GPR89B: variants seen among roughly 807,000 people sequenced by gnomAD.
GPR89B encodes G protein-coupled receptor 89B.
In GPR89B, 25 loss-of-function variants were observed where a neutral mutation model predicts 52.4. That is an observed-to-expected ratio of 0.48 (90% confidence interval 0.35 to 0.67). GPR89B has a LOEUF of 0.67. Among genes scored for constraint, GPR89B ranks in the 30% least tolerant of loss-of-function variants. The pLI, the probability that GPR89B is intolerant of heterozygous loss-of-function variation, is 0.01. For synonymous variants in GPR89B, 52 were observed against 151.2 expected (o/e 0.34, Z 4.81); for missense variants, 146 against 450.2 (o/e 0.32, Z 6.11).
the GPR89B span, among the ~76,000 whole-genome samples, chr1:148,015,623 TTTTGTTTGTTTGTTTG>T: frequency 2.1e-5 from 3 of 142,462 alleles, no homozygotes; most frequent in Non-Finnish European, 3.1e-5. Flanking sequence ...CTTCTCTCTA[TTTTGTTTGTTTGTTTG>T]TTTGTTTGTT....
the GPR89B span, among the ~76,000 whole-genome samples, chr1:148,007,114 C>T: frequency 2.4e-5 from 3 of 122,958 alleles, no homozygotes; most frequent in Admixed American, 8.9e-5. Context: ...CTTGCTTTAT[C>T]GCCCAGCCTG....
chr1:147,935,258 C>G (rs587597634), intron 1 of GPR89B, among the ~76,000 whole-genome samples: 1 of 151,974 alleles, frequency 6.6e-6, no homozygotes, highest in Admixed American at 6.6e-5. Flanking sequence ...GAATATGGAT[C>G]TAAAGAACCA....
intron 10 of GPR89B, among the ~76,000 whole-genome samples, chr1:147,973,251 G>T (rs1404396213): frequency 6.6e-6 from 1 of 151,820 alleles, no homozygotes; most frequent in Non-Finnish European, 1.5e-5. Context: ...CTTCCACAAT[G>T]ATTGAGTTAA....
At chr1:147,947,985 A>G (rs1438868793) in intron 5 of GPR89B, among the ~76,000 whole-genome samples, 4 of 152,254 alleles carry the variant, frequency 2.6e-5, no homozygotes, top group Admixed American at 6.5e-5. Context: ...AGCACTGGAA[A>G]TAAACCACAA....
At chr1:147,948,756 ATTTTT>A (rs199854363) in intron 5 of GPR89B, among the ~76,000 whole-genome samples, 41 of 138,314 alleles carry the variant, frequency 3.0e-4, no homozygotes, top group African/African-American at 8.5e-4. Context: ...AGATAAAATA[ATTTTT>A]TTTTTTTTTT....
chr1:147,947,831 A>T (rs1299847049), intron 5 of GPR89B, among the ~76,000 whole-genome samples: 2 of 151,438 alleles, frequency 1.3e-5, no homozygotes, highest in East Asian at 3.9e-4. Context: ...GAAAACAAAG[A>T]TCAATAAGAA....
At chr1:147,975,179 T>C (rs1657748393) in intron 10 of GPR89B, among the ~76,000 whole-genome samples, 1 of 132,906 alleles carries the variant, frequency 7.5e-6, no homozygotes, top group Non-Finnish European at 1.6e-5. Context: ...CAGAATGAGC[T>C]GGCCTCATAA....
At chr1:147,977,860 G>C (rs1250562506) in intron 10 of GPR89B, among the ~76,000 whole-genome samples, 2 of 150,468 alleles carry the variant, frequency 1.3e-5, no homozygotes, top group Non-Finnish European at 2.9e-5. Context: ...CTTTTTAAAC[G>C]GGTTATTCTG....
intron 1 of GPR89B, among the ~76,000 whole-genome samples, chr1:147,931,823 G>C (rs587694608): frequency 6.6e-6 from 1 of 151,636 alleles, no homozygotes; most frequent in African/African-American, 2.4e-5. Context: ...ACTTAGAAGT[G>C]AGAACATGTG....
rs1409634730 is a variant in GPR89B at position 147,986,205 on chromosome 1, A to G, written c.916A>G (p.Ile306Val). 208 of 1,611,208 alleles carry G rather than the reference A, an allele frequency of 1.3e-4. No homozygotes were observed. Among genetic ancestry groups the G allele is most frequent in the Non-Finnish European group, 1.7e-4 (199 of 1,179,474 alleles). ...AAAATCTGCATCTTTGCAGGCTACCATCAATATTGTTTTTGATCGAGTTGG... is the reference window on the plus strand; with the variant it reads ...AAAATCTGCATCTTTGCAGGCTACCGTCAATATTGTTTTTGATCGAGTTGG... ...YCVWKIFMAT[I>V]NIVFDRVGKT... is the part of the protein sequence containing the mutation. The change falls in exon 11 of 14, where the codon ATC becomes GTC. Residue 306 changes from isoleucine (I) to valine (V), a missense_variant. Physicochemically the swap from Ile to Val is conservative, Grantham distance 29. Transcript: ENST00000314163.
chr1:148,000,611 A>AT, the GPR89B span, among the ~76,000 whole-genome samples: 2 of 149,448 alleles, frequency 1.3e-5, no homozygotes, highest in Admixed American at 1.3e-4. Context: ...CACCCATCAT[A>AT]TTCCCCCCTC....
Position 147,968,958 on chromosome 1 carries a change from A to T in GPR89B, c.811A>T (p.Thr271Ser), listed in dbSNP as rs1385850178. 6.2e-7 allele frequency: 1 copy of T among 1,603,976 alleles called. No individual in the cohort carries two copies. The highest frequency in any genetic ancestry group is 1.4e-5 in the African/African-American group (1 of 73,456). Residue 271 changes from threonine to serine, a missense_variant, in exon 9 of 14, where the codon ACC (threonine) becomes TCC (serine). Thr to Ser is a moderately conservative substitution (Grantham distance 58, BLOSUM62 1). Transcript: ENST00000314163. ...LFLETADLYA[T>S]KERIEYSKTF... Reference sequence around the variant, plus strand: ...TCTGGAAACAGCTGATCTATATGCTACCAAGGTACAGAGCAAGGAAACTGA... The same window carrying T: ...TCTGGAAACAGCTGATCTATATGCTTCCAAGGTACAGAGCAAGGAAACTGA...
At position 147,928,512 on chromosome 1, in the gene GPR89B, G is replaced by A; in HGVS notation, c.-25G>A. The A allele has an allele frequency of 6.2e-7, 1 of 1,613,840 alleles. No homozygotes were observed. The highest frequency in any genetic ancestry group is 8.5e-7 in the Non-Finnish European group (1 of 1,179,750). On this transcript the variant is annotated 5_prime_UTR_variant, in exon 1 of 14. Coordinates refer to ENST00000314163, the MANE Select transcript of GPR89B (RefSeq NM_016334.5). ...TGGCCTCCGGGAGTGGGAAGTGGAG[G>A]CAGGAGCCTTCCTTACACTTCGCCA...
chr1:147,949,442 ACCCCCC>A (rs1655331178), intron 5 of GPR89B, among the ~76,000 whole-genome samples: 1 of 402 alleles, frequency 2.5e-3, no homozygotes, highest in Non-Finnish European at 5.1e-3. Flanking sequence ...TGGGGGGCTG[ACCCCCC>A]TGACCCCCCA....
intron 7 of GPR89B, among the ~76,000 whole-genome samples, chr1:147,964,217 T>A (rs1311691559): frequency 6.6e-6 from 1 of 151,368 alleles, no homozygotes; most frequent in Non-Finnish European, 1.5e-5. Context: ...AACTACATTA[T>A]GAATCTACAA....
chr1:147,970,439 G>A (rs1657332464), intron 10 of GPR89B, among the ~76,000 whole-genome samples: 1 of 151,726 alleles, frequency 6.6e-6, no homozygotes, highest in Non-Finnish European at 1.5e-5. Context: ...GGACGTTGCA[G>A]TGAGCTAAGA....
the GPR89B span, among the ~76,000 whole-genome samples, chr1:148,002,651 C>T: frequency 2.6e-5 from 4 of 152,222 alleles, no homozygotes; most frequent in East Asian, 7.7e-4. Context: ...TGTTCTTCTC[C>T]CTTATACTGC....
chr1:147,954,409 T>C lies in GPR89B; in HGVS notation c.617+7T>C, dbSNP rs1655948362. The C allele has an allele frequency of 3.4e-6, 1 of 291,494 alleles. No homozygotes were observed. The highest frequency in any genetic ancestry group is 2.4e-5 in the African/African-American group (1 of 41,234). 18.1% of individuals were successfully genotyped at this position (291,494 alleles called of 1,614,324 possible). ...TCATAAGCAAAAAGAAAAGGTAAGATATCAACACTGTAATACATTTGGACT... is the reference window on the plus strand; with the variant it reads ...TCATAAGCAAAAAGAAAAGGTAAGACATCAACACTGTAATACATTTGGACT... On this transcript the variant is annotated splice_region_variant and intron_variant, in intron 7 of 13. Transcript: ENST00000314163.
Position 147,962,533 on chromosome 1 carries a change from A to G in GPR89B, c.618-4021A>G, listed in dbSNP as rs1403653884. Among the ~76,000 whole-genome samples, 77 of 152,034 alleles carry G rather than the reference A, an allele frequency of 5.1e-4. 1 individual carries two copies. The highest frequency in any genetic ancestry group is 1.8e-3 in the African/African-American group (74 of 41,358). ...TGGAGGAAAGATAACCTTTCACCAA[A>G]TGGTGCTAGAGCAATTAGGCGTCCA... On this transcript the variant is annotated intron_variant, in intron 7 of 13. Transcript: ENST00000314163.
Sources: allele counts gnomAD v4.1 joint callset (sites outside exome capture counted in the v4.1 genomes callset), GRCh38; gene constraint gnomAD v4.1.1; transcripts MANE v1.5; gene names NCBI Gene and HGNC (gene_info 2026-07-23, HGNC 2026-07-21).